RAVER1: variants seen among roughly 807,000 people sequenced by gnomAD.
The protein encoded by RAVER1 is ribonucleoprotein PTB-binding 1.
A neutral mutation model predicts 68.4 loss-of-function variants in RAVER1; 36 were observed. That is an observed-to-expected ratio of 0.53 (90% CI 0.40 to 0.70). The LOEUF is 0.70. RAVER1 is among the 30% of genes least tolerant of loss of function. The probability of loss-of-function intolerance (pLI) is 0.00; values close to 1 mark genes in which losing one functional copy is unlikely to be tolerated. For synonymous variants in RAVER1, 469 were observed against 472.7 expected, an observed-to-expected ratio of 0.99 and a Z score of 0.10; for missense variants, 933 against 1,019.8, an observed-to-expected ratio of 0.91 and a Z score of 1.16.
Position 10,320,711 on chromosome 19 carries a change from C to T in RAVER1, c.1714G>A (p.Ala572Thr), listed in dbSNP as rs374876918. ...KSRLLSPLSS[A>T]RLPPEPGLSD... ...AGTCCTGGTTCGGGGGGCAGGCGGG[C>T]GCTGCTGAGGGGGCTGAGCAGGCGG... Residue 572 changes from alanine (A) to threonine (T), a missense_variant, in exon 9 of 13, where the codon GCC becomes ACC. By Grantham distance (58) the Ala-to-Thr change is moderately conservative. Transcript: ENST00000617231. 3.4e-4 allele frequency: 523 copies of T among 1,541,476 alleles called. 7 individuals are homozygous for T. In the South Asian group the frequency reaches 5.2e-3, roughly 15 times the overall value.
rs1157591469 is a variant in RAVER1 at position 10,317,974 on chromosome 19, T to G, written c.1990-201A>C. The stretch of plus-strand genomic sequence containing the variant: ...AGCCTCGGTTTTCTCATCTGTCAGA[T>G]GGGGCCAGTAGCACCCACAGCCTGG... On this transcript the variant is annotated intron_variant, in intron 11 of 12. Transcript: ENST00000617231. This position sits in a 1 kb window ranked among gnomAD's most constrained non-coding sequence, Gnocchi z 4.3. Among the ~76,000 whole-genome samples the G allele has an allele frequency of 2.0e-5, 3 of 152,238 alleles. No individual in the cohort carries two copies.
In RAVER1 at chr19:10,323,456, G is replaced by GC. The variant is rs1568311715; in HGVS notation, c.866dup (p.Ser290GlnfsTer160). The GC allele has an allele frequency of 1.9e-6, 3 of 1,609,632 alleles. No homozygotes were observed. The highest frequency in any genetic ancestry group is 1.7e-6 in the Non-Finnish European group (2 of 1,179,418). On this transcript the variant is annotated frameshift_variant, in exon 4 of 13. Coordinates refer to ENST00000617231, the MANE Select transcript of RAVER1 (RefSeq NM_133452.3). LOFTEE classifies it high-confidence loss of function. This position sits in a 1 kb window ranked among gnomAD's most constrained non-coding sequence, Gnocchi z 6.2. ...CGCAGAAGGAGACTCGCAGGTGGCT[G>GC]CCCCCCAGGGACAGGCCGTCCGCCT...
In RAVER1 at chr19:10,320,750, A is replaced by C; in HGVS notation, c.1675T>G (p.Phe559Val). ...CTGAGCAGGCGGGACTTGAGCTGGA[A>C]GGCTTTGCTGCTGCTGCTGCCACCT... ...PGGGSSSSKAFQLKSRLLSPL... is the reference protein window; with the variant it reads ...PGGGSSSSKAVQLKSRLLSPL... Residue 559 changes from phenylalanine to valine, a missense_variant, in exon 9 of 13, where the codon TTC becomes GTC. By Grantham distance (50) the Phe-to-Val change is conservative. Coordinates refer to ENST00000617231, the MANE Select transcript of RAVER1 (RefSeq NM_133452.3). 1.4e-6 allele frequency: 2 copies of C among 1,474,080 alleles called. No individual in the cohort carries two copies. The highest frequency in any genetic ancestry group is 5.6e-5 in the East Asian group (2 of 35,926). 91.3% of individuals were successfully genotyped at this position (1,474,080 alleles called of 1,614,324 possible). A position where few individuals can be genotyped will look rare whatever the true frequency, so the allele number is the denominator to read the frequency against.
Position 10,329,346 on chromosome 19 carries a change from G to A in RAVER1, c.287-235C>T, listed in dbSNP as rs1338485892. On this transcript the variant is annotated intron_variant, in intron 2 of 12. Coordinates refer to ENST00000617231, the MANE Select transcript of RAVER1 (RefSeq NM_133452.3). This position sits in a 1 kb window ranked among gnomAD's most constrained non-coding sequence, Gnocchi z 4.6. ...TGCGTCCACCTGCACCCACAGCAGC[G>A]CTCACCAACTGTGGGCCTGGCTCTG... 6.6e-6 allele frequency among the ~76,000 whole-genome samples: 1 copy of A among 152,176 alleles called. No individual in the cohort carries two copies.
Position 10,317,834 on chromosome 19 carries a change from C to G in RAVER1, c.1990-61G>C. On this transcript the variant is annotated intron_variant, in intron 11 of 12. Transcript: ENST00000617231. The surrounding 1 kb of genome is among the most constrained non-coding windows in gnomAD (Gnocchi z 4.3). The stretch of plus-strand genomic sequence containing the variant: ...TGGGGGCCAGAGGAAGCACCCACCC[C>G]GCCCCCCTGCCACTGCCCCCCAGCC... The G allele has an allele frequency of 2.1e-6, 2 of 963,558 alleles. No individual in the cohort carries two copies. The highest frequency in any genetic ancestry group is 2.8e-5 in the South Asian group (2 of 71,932). 59.7% of individuals were successfully genotyped at this position (963,558 alleles called of 1,614,324 possible).
Position 10,320,644 on chromosome 19 carries a change from C to G in RAVER1, c.1770+11G>C. 1 of 1,546,630 alleles carries G rather than the reference C, an allele frequency of 6.5e-7. No individual in the cohort carries two copies. The highest frequency in any genetic ancestry group is 8.7e-7 in the Non-Finnish European group (1 of 1,148,566). Reference sequence around the variant, plus strand: ...GCCTTAGGGGACAGAGAGCTGCAGCCAGGCACTCACCGAGGGGTAGTCGAA... The same window carrying G: ...GCCTTAGGGGACAGAGAGCTGCAGCGAGGCACTCACCGAGGGGTAGTCGAA... On this transcript the variant is annotated intron_variant, in intron 9 of 12. Coordinates refer to ENST00000617231, the MANE Select transcript of RAVER1 (RefSeq NM_133452.3).
chr19:10,326,127 G>C (rs373252450), intron 3 of RAVER1, among the ~76,000 whole-genome samples: 1 of 152,026 alleles, frequency 6.6e-6, no homozygotes, highest in Admixed American at 6.6e-5. Flanking sequence ...GTGGTGTCAG[G>C]CGCTGTCATC....
chr19:10,324,536 G>A (rs986239219), intron 3 of RAVER1, among the ~76,000 whole-genome samples: 1 of 152,048 alleles, frequency 6.6e-6, no homozygotes, highest in African/African-American at 2.4e-5. Context: ...GCACCACCAC[G>A]CCCAGCTAAT....
intron 3 of RAVER1, among the ~76,000 whole-genome samples, chr19:10,324,687 C>T (rs2040462450): frequency 6.6e-6 from 1 of 152,038 alleles, no homozygotes; most frequent in Non-Finnish European, 1.5e-5. Flanking sequence ...CATAAACACA[C>T]CCATCTTAGG....
chr19:10,317,825 C>G lies in RAVER1; in HGVS notation c.1990-52G>C. ...GTCACTCCCTGGGGGCCAGAGGAAG[C>G]ACCCACCCCGCCCCCCTGCCACTGC... is the stretch of plus-strand genomic sequence containing the variant. On this transcript the variant is annotated intron_variant, in intron 11 of 12. Coordinates refer to ENST00000617231, the MANE Select transcript of RAVER1 (RefSeq NM_133452.3). The surrounding 1 kb of genome is among the most constrained non-coding windows in gnomAD (Gnocchi z 4.3). 1 of 1,061,456 alleles carries G rather than the reference C, an allele frequency of 9.4e-7. No homozygotes were observed. Among genetic ancestry groups the G allele is most frequent in the Non-Finnish European group, 1.4e-6 (1 of 702,692 alleles). 65.8% of individuals were successfully genotyped at this position (1,061,456 alleles called of 1,614,324 possible). A position where few individuals can be genotyped will look rare whatever the true frequency, so the allele number is the denominator to read the frequency against.
rs1400688528 is a variant in RAVER1, at chr19:10,323,647, C to G, written c.757-81G>C. The G allele has an allele frequency of 1.7e-5, 25 of 1,443,878 alleles. No individual in the cohort carries two copies. The highest frequency in any genetic ancestry group is 2.0e-5 in the Non-Finnish European group (22 of 1,078,206). The allele number at this position is 1,443,878 out of a possible 1,614,324, so 89.4% of individuals were successfully genotyped here. On this transcript the variant is annotated intron_variant, in intron 3 of 12. Transcript: ENST00000617231. The surrounding 1 kb of genome is among the most constrained non-coding windows in gnomAD (Gnocchi z 6.2). ...CCGGGAAGTGACAACCGTAACCAGA[C>G]TCAGCTGCCCCATAAGGGTGAACTC...
At chr19:10,325,625 A>G (rs554812568) in intron 3 of RAVER1, among the ~76,000 whole-genome samples, 1 of 152,224 alleles carries the variant, frequency 6.6e-6, no homozygotes, top group Admixed American at 6.5e-5. Flanking sequence ...TACAGGCATG[A>G]GCCACTGTGC....
Position 10,329,121 on chromosome 19 carries a change from G to C in RAVER1, c.287-10C>G. 3 of 1,447,306 alleles carry C rather than the reference G, an allele frequency of 2.1e-6. No homozygotes were observed. Among genetic ancestry groups the C allele is most frequent in the Non-Finnish European group, 2.7e-6 (3 of 1,092,414 alleles). 89.7% of individuals were successfully genotyped at this position (1,447,306 alleles called of 1,614,324 possible). The stretch of plus-strand genomic sequence containing the variant: ...AGCAGGGTCACGAAGGCTGCGGTGG[G>C]AGGAGGGCAGTGCGAGGTCAGCCGG... On this transcript the variant is annotated splice_polypyrimidine_tract_variant and intron_variant, in intron 2 of 12. Coordinates refer to ENST00000617231, the MANE Select transcript of RAVER1 (RefSeq NM_133452.3). The surrounding 1 kb of genome is among the most constrained non-coding windows in gnomAD (Gnocchi z 4.6).
Position 10,317,532 on chromosome 19 carries a change from G to A in RAVER1, c.2142C>T (p.Gly714=), listed in dbSNP as rs1204296483. ...LLPSPEPSPE[G]SYVGQHSQGL... ...CCTGGGAGTGCTGGCCCACATAGCT[G>A]CCTTCTGGGCTGGGCTCGGGCGAGG... Residue 714 remains glycine, a synonymous_variant, in exon 13 of 13, where the codon GGC becomes GGT. Transcript: ENST00000617231. The surrounding 1 kb of genome is among the most constrained non-coding windows in gnomAD (Gnocchi z 4.3). 1 of 1,613,558 alleles carries A rather than the reference G, an allele frequency of 6.2e-7. No individual in the cohort carries two copies.
intron 1 of RAVER1, 140 bp from the exon 2 acceptor site, chr19:10,330,666 T>G (rs1334586796): frequency 1.6e-6 from 1 of 613,272 alleles, no homozygotes; most frequent in Non-Finnish European, 3.0e-6. Flanking sequence ...TGAGGCTCGA[T>G]GCAGTAATTT....
rs541998454 is a variant in RAVER1, at chr19:10,331,646, A to G, written c.220-1120T>C. Among the ~76,000 whole-genome samples the G allele has an allele frequency of 2.4e-5, 3 of 126,466 alleles. No individual in the cohort carries two copies. In the South Asian group the frequency reaches 7.9e-4, roughly 33 times the overall value. 83.0% of individuals were successfully genotyped at this position (126,466 alleles called of 152,430 possible). ...GGTTGCAGTGAGCAGACATCAAGCC[A>G]CTGCACTCTAGCCTGGCGACAGAGT... On this transcript the variant is annotated intron_variant, in intron 1 of 12. Coordinates refer to ENST00000617231, the MANE Select transcript of RAVER1 (RefSeq NM_133452.3).
chr19:10,317,488 G>A lies in RAVER1; in HGVS notation c.2186C>T (p.Ala729Val), dbSNP rs1472248343. 16 of 1,613,652 alleles carry A rather than the reference G, an allele frequency of 9.9e-6. No individual in the cohort carries two copies. The highest frequency in any genetic ancestry group is 1.2e-5 in the Non-Finnish European group (14 of 1,179,650). The change falls in exon 13 of 13, where the codon GCG (alanine) becomes GTG (valine). Residue 729 changes from alanine to valine, a missense_variant. By Grantham distance (64) the Ala-to-Val change is moderately conservative (BLOSUM62 0). Transcript: ENST00000617231. The surrounding 1 kb of genome is among the most constrained non-coding windows in gnomAD (Gnocchi z 4.3). ...QHSQGLGGHY[A>V]DSYLKRKRIF is the part of the protein sequence containing the mutation. ...CCTCTTCCGCTTCAGGTAGGAGTCCGCGTAGTGGCCGCCGAGGCCCTGGGA... is the reference window on the plus strand; with the variant it reads ...CCTCTTCCGCTTCAGGTAGGAGTCCACGTAGTGGCCGCCGAGGCCCTGGGA...
Position 10,321,589 on chromosome 19 carries a change from C to A in RAVER1, c.1203G>T (p.Leu401=). 1 of 1,400,804 alleles carries A rather than the reference C, an allele frequency of 7.1e-7. No homozygotes were observed. Among genetic ancestry groups the A allele is most frequent in the Non-Finnish European group, 9.3e-7 (1 of 1,072,220 alleles). 86.8% of individuals were successfully genotyped at this position (1,400,804 alleles called of 1,614,324 possible). A position where few individuals can be genotyped will look rare whatever the true frequency, so the allele number is the denominator to read the frequency against. The change falls in exon 7 of 13, where the codon CTG becomes CTT. Residue 401 remains leucine (L), a synonymous_variant. Transcript: ENST00000617231. ...KKPGILGDSP[L]GALQPGAQPA... The stretch of plus-strand genomic sequence containing the variant: ...GCTGGGCCCCAGGCTGGAGGGCGCC[C>A]AGGGGTGAGTCTCCCAGGATGCCGG...
At position 10,333,317 on chromosome 19, in the gene RAVER1, C is replaced by T; in HGVS notation, c.191G>A (p.Arg64Gln). The T allele has an allele frequency of 6.2e-7, 1 of 1,613,882 alleles. No individual in the cohort carries two copies. Among genetic ancestry groups the T allele is most frequent in the South Asian group, 1.1e-5 (1 of 91,086 alleles). ...GTTGGTCACGTCCCCCGGGAGGCCCCGGATCAGTATCTTGCGGCGGTTACG... is the reference window on the plus strand; with the variant it reads ...GTTGGTCACGTCCCCCGGGAGGCCCTGGATCAGTATCTTGCGGCGGTTACG... ...QFRNRRKILI[R>Q]GLPGDVTNQE... Residue 64 changes from arginine (R) to glutamine (Q), a missense_variant, in exon 1 of 13, where the codon CGG becomes CAG. Arg to Gln is a conservative substitution (Grantham distance 43). Coordinates refer to ENST00000617231, the MANE Select transcript of RAVER1 (RefSeq NM_133452.3). The surrounding 1 kb of genome is among the most constrained non-coding windows in gnomAD (Gnocchi z 4.2).
Sources: allele counts gnomAD v4.1 joint callset (sites outside exome capture counted in the v4.1 genomes callset), GRCh38; gene constraint gnomAD v4.1.1; non-coding constraint Gnocchi (gnomAD v3.1); transcripts MANE v1.5; gene names NCBI Gene and HGNC (gene_info 2026-07-23, HGNC 2026-07-21).